Variants in MBP observed in about 807,000 individuals in gnomAD.
MBP encodes the protein Golli-MBP.
A neutral mutation model predicts 35.8 loss-of-function variants in MBP; 16 were observed. The observed-to-expected ratio is 0.45, with a 90% CI of 0.30 to 0.68. MBP has a LOEUF of 0.68. MBP is among the 30% of genes least tolerant of loss of function. The pLI, the probability that MBP is intolerant of heterozygous loss-of-function variation, is 0.08. For synonymous variants in MBP, 143 were observed against 159.6 expected, an observed-to-expected ratio of 0.90 and a Z score of 0.78; for missense variants, 380 against 404.7, an observed-to-expected ratio of 0.94 and a Z score of 0.52.
rs974153347 is a variant in MBP, at chr18:76,979,858, G to C, written c.*569C>G. On this transcript the variant is annotated 3_prime_UTR_variant, in exon 9 of 9. Transcript: ENST00000355994. ...TTGGACTCTAACAGCTGCCCAGCCC[G>C]CATGTCACATACCAAAAGCTCCCAC... The C allele has an allele frequency of 1.5e-6, 1 of 669,804 alleles. No individual in the cohort carries two copies. The highest frequency in any genetic ancestry group is 2.7e-6 in the Non-Finnish European group (1 of 370,018). The allele number at this position is 669,804 out of a possible 1,614,324, so 41.5% of individuals were successfully genotyped here.
intron 2 of MBP, among the ~76,000 whole-genome samples, chr18:77,086,660 T>C (rs1975247950): frequency 6.6e-6 from 1 of 152,254 alleles, no homozygotes; most frequent in South Asian, 2.1e-4. Context: ...AAGGGAATTA[T>C]GACTTCAAAG....
chr18:77,084,508 G>A (rs984978904), intron 2 of MBP, among the ~76,000 whole-genome samples: 3 of 146,178 alleles, frequency 2.1e-5, no homozygotes, highest in Non-Finnish European at 3.0e-5. Flanking sequence ...CTGCCTGTCC[G>A]GCCTCCAGCT....
chr18:77,065,995 C>T, intron 3 of MBP: 1 of 288,250 alleles, frequency 3.5e-6, no homozygotes, highest in Non-Finnish European at 6.5e-6. Context: ...GTATCTGGGG[C>T]CACGGGTGCA....
intron 1 of MBP, chr18:77,108,501 ACTT>A (rs1976349432): frequency 6.6e-6 from 1 of 152,166 alleles, no homozygotes; most frequent in Non-Finnish European, 1.5e-5. Flanking sequence ...GACCGCTGAG[ACTT>A]CCGCGGTCTC....
intron 1 of MBP, among the ~76,000 whole-genome samples, chr18:77,119,741 G>T (rs1283166535): frequency 6.6e-6 from 1 of 152,192 alleles, no homozygotes; most frequent in Non-Finnish European, 1.5e-5. Flanking sequence ...AGGGACAAGG[G>T]ACACCCCAAG....
In MBP at chr18:76,979,901, T is replaced by C; in HGVS notation, c.*526A>G. On this transcript the variant is annotated 3_prime_UTR_variant, in exon 9 of 9. Transcript: ENST00000355994. ...GCTCCCACATGTAGTAAGCCACTCCTTGACTGTCTAATCCTGTTAGGAAAA... is the reference window on the plus strand; with the variant it reads ...GCTCCCACATGTAGTAAGCCACTCCCTGACTGTCTAATCCTGTTAGGAAAA... The C allele has an allele frequency of 1.4e-6, 1 of 700,592 alleles. No homozygotes were observed. Among genetic ancestry groups the C allele is most frequent in the Non-Finnish European group, 2.6e-6 (1 of 384,270 alleles). 43.4% of individuals were successfully genotyped at this position (700,592 alleles called of 1,614,324 possible). A position where few individuals can be genotyped will look rare whatever the true frequency, so the allele number is the denominator to read the frequency against.
intron 3 of MBP, among the ~76,000 whole-genome samples, chr18:77,055,815 T>G (rs1458436923): frequency 6.6e-6 from 1 of 152,206 alleles, no homozygotes; most frequent in Non-Finnish European, 1.5e-5. Flanking sequence ...TCAACCCCAT[T>G]GGAAATGTCT....
intron 4 of MBP, among the ~76,000 whole-genome samples, chr18:77,002,571 C>T (rs567033095): frequency 5.9e-5 from 9 of 151,910 alleles, no homozygotes; most frequent in African/African-American, 2.2e-4. Context: ...GGTTTTAAAA[C>T]ACGAGGTGTG....
intron 8 of MBP, chr18:76,983,194 TCTA>T (rs1253042392): frequency 3.3e-5 from 5 of 152,230 alleles, no homozygotes; most frequent in Admixed American, 1.3e-4. Context: ...TCCCGGTGTG[TCTA>T]ACAGTCCTTA....
chr18:76,986,628 A>T, intron 7 of MBP: 1 of 985,536 alleles, frequency 1.0e-6, no homozygotes, highest in Non-Finnish European at 1.2e-6. Context: ...AGCACTGCAC[A>T]CGAGGGGACA....
At chr18:77,097,117 A>C (rs1244813059) in intron 2 of MBP, 1 of 152,372 alleles carries the variant, frequency 6.6e-6, no homozygotes, top group Non-Finnish European at 1.5e-5. Flanking sequence ...ACACCCCCCC[A>C]CCAACAGGGC....
chr18:77,025,051 G>A (rs1392790737), intron 3 of MBP, among the ~76,000 whole-genome samples: 4 of 152,178 alleles, frequency 2.6e-5, no homozygotes, highest in Non-Finnish European at 4.4e-5. Context: ...TCCGAGGCGG[G>A]TGGTTTTAGT....
intron 3 of MBP, among the ~76,000 whole-genome samples, chr18:77,043,616 CA>C (rs1973101556): frequency 6.6e-6 from 1 of 152,154 alleles, no homozygotes; most frequent in African/African-American, 2.4e-5. Context: ...CGTCTCTCTG[CA>C]AACGCCCAAA....
chr18:77,071,135 A>C (rs1039226450), intron 2 of MBP, among the ~76,000 whole-genome samples: 1 of 152,320 alleles, frequency 6.6e-6, no homozygotes, highest in East Asian at 1.9e-4. Flanking sequence ...GCTGTGAGAG[A>C]GGAAAACACT....
At chr18:77,112,169 G>GCGCACACACACACA (rs370587502) in intron 1 of MBP, among the ~76,000 whole-genome samples, 104 of 150,992 alleles carry the variant, frequency 6.9e-4, no homozygotes, top group Non-Finnish European at 9.3e-4. Context: ...CCGTGCACAC[G>GCGCACACACACACA]CACACACACA....
At chr18:77,100,022 G>A (rs1975935314) in intron 2 of MBP, among the ~76,000 whole-genome samples, 1 of 152,206 alleles carries the variant, frequency 6.6e-6, no homozygotes, top group African/African-American at 2.4e-5. Context: ...CGCTGCTGGG[G>A]TTTATCAAGT....
intron 2 of MBP, chr18:77,067,671 C>T: frequency 2.6e-6 from 1 of 387,544 alleles, no homozygotes; most frequent in East Asian, 7.6e-5. Flanking sequence ...ACCAGCAGCA[C>T]CGGGAGGCTG....
At position 77,091,606 on chromosome 18, in the gene MBP, CA is replaced by C. The variant is rs1468836777; in HGVS notation, c.51+13604del. Among the ~76,000 whole-genome samples the C allele has an allele frequency of 1.2e-3, 189 of 151,748 alleles. 2 individuals carry two copies. In the South Asian group the frequency reaches 0.023, roughly 18 times the overall value. ...GAGAAACCACACACACACACACACA[CA>C]CACCCACCCACCCACACCCCTATAC... On this transcript the variant is annotated intron_variant, in intron 2 of 8. Transcript: ENST00000355994.
chr18:77,075,185 T>C (rs1327032725), intron 2 of MBP, among the ~76,000 whole-genome samples: 2 of 152,210 alleles, frequency 1.3e-5, no homozygotes, highest in African/African-American at 4.8e-5. Flanking sequence ...TGGAAGCTTC[T>C]CCCAGGGATG....
Sources: gnomAD v4.1 joint callset for allele counts (sites outside exome capture counted in the v4.1 genomes callset) on GRCh38, gnomAD v4.1.1 for gene constraint, MANE v1.5 for transcripts, NCBI Gene and HGNC (gene_info 2026-07-23, HGNC 2026-07-21) for gene names.